AKNA: variants seen among roughly 807,000 people sequenced by gnomAD.
The protein encoded by AKNA is microtubule organization protein AKNA.
AKNA carries 67 observed loss-of-function variants against 138.8 expected under a neutral mutation model. The observed-to-expected ratio is 0.48, with a 90% CI of 0.40 to 0.59. AKNA has a LOEUF of 0.59. Ranked by LOEUF, AKNA falls within the 20% of genes least tolerant of loss-of-function variation. AKNA has a pLI of 0.00. For synonymous variants in AKNA, 737 were observed against 754.4 expected, an observed-to-expected ratio of 0.98 and a Z score of 0.38; for missense variants, 1,813 against 1,880.4, an observed-to-expected ratio of 0.96 and a Z score of 0.66.
At chr9:114,352,719 G>A (rs1468063974) in intron 14 of AKNA, among the ~76,000 whole-genome samples, 1 of 152,200 alleles carries the variant, frequency 6.6e-6, no homozygotes, top group East Asian at 1.9e-4. Context: ...TCAGGAGTTC[G>A]AGACCAGCCT....
chr9:114,357,892 TGGGCCCA>T, intron 12 of AKNA, 22 bp downstream of exon 12: 1 of 1,593,262 alleles, frequency 6.3e-7, no homozygotes, highest in Non-Finnish European at 8.5e-7. Context: ...CCTGAGGTTC[TGGGCCCA>T]TTCCCCCATG....
intron 21 of AKNA, among the ~76,000 whole-genome samples, chr9:114,337,762 A>G (rs1444781719): frequency 6.6e-6 from 1 of 151,616 alleles, no homozygotes; most frequent in African/African-American, 2.4e-5. Flanking sequence ...GGGGTGCTGG[A>G]GAAAGGCAAT....
chr9:114,389,109 A>C (rs1157924703), upstream of AKNA, among the ~76,000 whole-genome samples: 2 of 152,228 alleles, frequency 1.3e-5, no homozygotes, highest in African/African-American at 4.8e-5. Context: ...GTCAAAAGCA[A>C]GCCACAAGAA....
intron 2 of AKNA, among the ~76,000 whole-genome samples, chr9:114,378,101 C>T (rs1833374601): frequency 6.6e-6 from 1 of 152,204 alleles, no homozygotes; most frequent in Non-Finnish European, 1.5e-5. Context: ...AAGGTCGCTG[C>T]CACCCCGGCC....
intron 2 of AKNA, among the ~76,000 whole-genome samples, chr9:114,377,897 T>G (rs553756814): frequency 6.6e-6 from 1 of 152,262 alleles, no homozygotes; most frequent in South Asian, 2.1e-4. Context: ...CAATGGGACC[T>G]CCTATAAAGA....
At chr9:114,369,644 C>A (rs995240344) in intron 4 of AKNA, among the ~76,000 whole-genome samples, 1 of 152,106 alleles carries the variant, frequency 6.6e-6, no homozygotes, top group Non-Finnish European at 1.5e-5. Context: ...TTCACCACCA[C>A]CGTCATCACC....
intron 15 of AKNA, 38 bp from the exon 16 acceptor site, chr9:114,347,938 C>A (rs1171698030): frequency 6.5e-7 from 1 of 1,542,652 alleles, no homozygotes; most frequent in Admixed American, 2.1e-5. Context: ...AGAACAGAGG[C>A]ATGAGGAACA....
At chr9:114,387,482 C>T (rs762113022) in intron 1 of AKNA, among the ~76,000 whole-genome samples, 47 of 152,350 alleles carry the variant, frequency 3.1e-4, no homozygotes, top group Non-Finnish European at 5.7e-4. Flanking sequence ...CACCCCCCGG[C>T]GCCGTCGCTG....
rs1050356715 is a variant in AKNA at position 114,346,692 on chromosome 9, C to A, written c.3491G>T (p.Arg1164Leu). The A allele has an allele frequency of 6.2e-7, 1 of 1,611,908 alleles. No homozygotes were observed. The highest frequency in any genetic ancestry group is 1.3e-5 in the African/African-American group (1 of 74,790). The change falls in exon 17 of 22, where the codon CGG becomes CTG. Residue 1164 changes from arginine to leucine, a missense_variant. By Grantham distance (102) the Arg-to-Leu change is moderately radical. Transcript: ENST00000374088. ...RQRARSSSVP[R>L]EVLRLSLSSE... ...ACTCAGGGACAGTCGGAGCACCTCC[C>A]GAGGCACTGAGGAAGACCTGGCTCG...
intron 19 of AKNA, among the ~76,000 whole-genome samples, chr9:114,342,919 C>T (rs1830456429): frequency 6.6e-6 from 1 of 152,214 alleles, no homozygotes; most frequent in Non-Finnish European, 1.5e-5. Context: ...CCTGTCAGGA[C>T]TCTAACACTA....
At chr9:114,359,476 GC>G in intron 11 of AKNA, 117 bp downstream of exon 11, 1 of 1,569,256 alleles carries the variant, frequency 6.4e-7, no homozygotes, top group Non-Finnish European at 8.6e-7. Context: ...ACTTGAAGAG[GC>G]AGGACAGGTA....
At chr9:114,343,601 AC>A (rs1830493997) in intron 19 of AKNA, 106 bp downstream of exon 19, 1 of 1,144,198 alleles carries the variant, frequency 8.7e-7, no homozygotes, top group Non-Finnish European at 1.3e-6. Context: ...CCTATAACCC[AC>A]TGCTAAGTTC....
intron 15 of AKNA, among the ~76,000 whole-genome samples, chr9:114,350,287 T>C (rs950681056): frequency 2.0e-5 from 3 of 151,676 alleles, no homozygotes; most frequent in African/African-American, 7.3e-5. Flanking sequence ...CAAAGAAACC[T>C]TGGCTGGGCC....
At chr9:114,348,164 T>G (rs377090171) in intron 15 of AKNA, among the ~76,000 whole-genome samples, 1 of 152,154 alleles carries the variant, frequency 6.6e-6, no homozygotes, top group East Asian at 1.9e-4. Context: ...GGGGTCTGAG[T>G]GGCTGTTCAG....
At chr9:114,372,332 A>T (rs547131511) in intron 4 of AKNA, among the ~76,000 whole-genome samples, 1 of 151,970 alleles carries the variant, frequency 6.6e-6, no homozygotes, top group Admixed American at 6.6e-5. Flanking sequence ...GTGACTACAC[A>T]TGGGGGGGAC....
intron 16 of AKNA, 48 bp from the exon 17 acceptor site, chr9:114,346,832 G>T: frequency 6.7e-7 from 1 of 1,501,128 alleles, no homozygotes; most frequent in Non-Finnish European, 9.2e-7. Flanking sequence ...GTTTTGTGTG[G>T]CCTTTAAAGG....
Position 114,346,794 on chromosome 9 carries a change from G to T in AKNA, c.3399-10C>A. On this transcript the variant is annotated splice_polypyrimidine_tract_variant and intron_variant, in intron 16 of 21. Coordinates refer to ENST00000374088, the MANE Select transcript of AKNA (RefSeq NM_001317950.2). ...TCTCTCTGTGGATTTACTAGCAAAA[G>T]GAAAGAGAGATGATGTCATTGGATG... 7 of 1,607,646 alleles carry T rather than the reference G, an allele frequency of 4.4e-6. No individual in the cohort carries two copies. The highest frequency in any genetic ancestry group is 5.1e-6 in the Non-Finnish European group (6 of 1,175,728).
At chr9:114,388,418 GACTCAACACC>G (rs1039686233), upstream of AKNA, among the ~76,000 whole-genome samples, 88 of 152,298 alleles carry the variant, frequency 5.8e-4, no homozygotes, top group African/African-American at 2.0e-3. Context: ...TGAGAGCTCA[GACTCAACACC>G]ACTCCTGCCC....
chr9:114,367,610 G>C lies in AKNA; in HGVS notation c.1661C>G (p.Ser554Cys). The C allele has an allele frequency of 3.1e-6, 5 of 1,610,148 alleles. No homozygotes were observed. Among genetic ancestry groups the C allele is most frequent in the Non-Finnish European group, 4.2e-6 (5 of 1,176,824 alleles). ...CTGCTCTGCTGAGGACTGGTCCTCA[G>C]AGATGTCCCGGTTCTCCGGAAGCCA... ...LGWLPENRDI[S>C]EDQSSAEQTQ... The change falls in exon 6 of 22, where the codon TCT becomes TGT. Residue 554 changes from serine to cysteine, a missense_variant. By Grantham distance (112) the Ser-to-Cys change is moderately radical (BLOSUM62 -1). Transcript: ENST00000374088.
Sources: gnomAD v4.1 joint callset for allele counts (sites outside exome capture counted in the v4.1 genomes callset) on GRCh38, gnomAD v4.1.1 for gene constraint, MANE v1.5 for transcripts, NCBI Gene and HGNC (gene_info 2026-07-23, HGNC 2026-07-21) for gene names.